DPY19L3: variants seen among roughly 807,000 people sequenced by gnomAD.
DPY19L3 encodes the protein protein C-mannosyl-transferase DPY19L3.
In DPY19L3, 51 loss-of-function variants were observed where a neutral mutation model predicts 92.3. That is an observed-to-expected ratio of 0.55 (90% confidence interval 0.44 to 0.70). The LOEUF (loss-of-function observed/expected upper bound fraction) is 0.70. Ranked by LOEUF, DPY19L3 falls within the 30% of genes least tolerant of loss-of-function variation. The pLI is 0.00. For synonymous variants in DPY19L3, 309 were observed against 315.2 expected (o/e 0.98, Z 0.21); for missense variants, 706 against 855.9 (o/e 0.82, Z 2.18).
chr19:32,467,013 T>G (rs1289978619), intron 15 of DPY19L3, among the ~76,000 whole-genome samples: 1 of 152,206 alleles, frequency 6.6e-6, no homozygotes, highest in African/African-American at 2.4e-5. Flanking sequence ...GTTTCAAAAT[T>G]TCTTGTTCAT....
chr19:32,421,481 A>G (rs930663226), intron 3 of DPY19L3, among the ~76,000 whole-genome samples: 1 of 152,126 alleles, frequency 6.6e-6, no homozygotes. Flanking sequence ...CTCTACTAAA[A>G]ATACAAAAAT....
chr19:32,468,823 T>C lies in DPY19L3; in HGVS notation c.1697+10T>C, dbSNP rs989138190. 4.4e-6 allele frequency: 7 copies of C among 1,605,530 alleles called. No individual in the cohort carries two copies. The highest frequency in any genetic ancestry group is 6.0e-6 in the Non-Finnish European group (7 of 1,176,206). On this transcript the variant is annotated intron_variant, in intron 16 of 18. Transcript: ENST00000392250. ...TGATGAACTGGATTAAGTAAGAGGA[T>C]TTTTTTTAACTTTTAAAATTTTAAG...
chr19:32,446,244 A>G (rs1197910833), intron 8 of DPY19L3, among the ~76,000 whole-genome samples: 1 of 152,190 alleles, frequency 6.6e-6, no homozygotes, highest in Non-Finnish European at 1.5e-5. Context: ...GAAGCAGTAC[A>G]TGAAAAAACA....
intron 12 of DPY19L3, among the ~76,000 whole-genome samples, chr19:32,460,317 G>A (rs574383550): frequency 1.3e-5 from 2 of 152,242 alleles, no homozygotes; most frequent in African/African-American, 2.4e-5. Context: ...AGGCTAAGGC[G>A]GGAGGATCAC....
intron 8 of DPY19L3, among the ~76,000 whole-genome samples, chr19:32,451,255 G>A (rs1441711002): frequency 6.6e-6 from 1 of 152,220 alleles, no homozygotes; most frequent in African/African-American, 2.4e-5. Flanking sequence ...ATGGTAGGAT[G>A]TGAAGGATGT....
At chr19:32,429,139 A>T (rs922687487) in intron 3 of DPY19L3, among the ~76,000 whole-genome samples, 2 of 151,986 alleles carry the variant, frequency 1.3e-5, no homozygotes, top group Admixed American at 6.6e-5. Flanking sequence ...GAGCCACCAC[A>T]CCCGGCCAGC....
In DPY19L3 at chr19:32,408,230, A is replaced by T; in HGVS notation, c.-24A>T. 1.3e-6 allele frequency: 2 copies of T among 1,562,580 alleles called. No individual in the cohort carries two copies. Among genetic ancestry groups the T allele is most frequent in the Non-Finnish European group, 1.8e-6 (2 of 1,137,224 alleles). ...ATTGCTATCTAGGAGTGATTTGGAG[A>T]ACAATGCATGTAAGTCTGACATCAT... is the stretch of plus-strand genomic sequence containing the variant. On this transcript the variant is annotated 5_prime_UTR_variant, in exon 2 of 19. Transcript: ENST00000392250.
chr19:32,432,871 A>T (rs1599616337), intron 4 of DPY19L3, 65 bp downstream of exon 4: 1 of 1,412,794 alleles, frequency 7.1e-7, no homozygotes, highest in Non-Finnish European at 1.0e-6. Context: ...AGTGAGAAGT[A>T]CTGTGCACTA....
chr19:32,469,644 A>T (rs750954252), intron 16 of DPY19L3, among the ~76,000 whole-genome samples: 2 of 152,150 alleles, frequency 1.3e-5, no homozygotes, highest in African/African-American at 4.8e-5. Flanking sequence ...GACCAGAGAA[A>T]ATTTTAGATA....
rs539699844 is a variant in DPY19L3 at position 32,430,554 on chromosome 19, C to G, written c.238-2162C>G. Among the ~76,000 whole-genome samples, 3 of 152,084 alleles carry G rather than the reference C, an allele frequency of 2.0e-5. 1 individual carries two copies. In the South Asian group the frequency reaches 6.2e-4, roughly 32 times the overall value. On this transcript the variant is annotated intron_variant, in intron 3 of 18. Coordinates refer to ENST00000392250, the MANE Select transcript of DPY19L3 (RefSeq NM_001172774.2). ...AATGATAAAAAGATTTAGAGGGTAG[C>G]AGAAATATATTAAATAAATAATTTC...
intron 12 of DPY19L3, among the ~76,000 whole-genome samples, chr19:32,459,974 A>G (rs760564713): frequency 2.6e-5 from 4 of 152,218 alleles, no homozygotes; most frequent in Non-Finnish European, 5.9e-5. Context: ...GGCCTACTAC[A>G]CACCTAGGTT....
At chr19:32,419,593 C>G (rs1968496071) in intron 3 of DPY19L3, among the ~76,000 whole-genome samples, 1 of 151,706 alleles carries the variant, frequency 6.6e-6, no homozygotes, top group South Asian at 2.1e-4. Context: ...CCAAGTGGTG[C>G]CAGCTAATTT....
At chr19:32,442,583 AT>A (rs1170926510) in intron 8 of DPY19L3, among the ~76,000 whole-genome samples, 1 of 152,144 alleles carries the variant, frequency 6.6e-6, no homozygotes, top group Non-Finnish European at 1.5e-5. Flanking sequence ...CAGAGGGAAA[AT>A]TTGACAGCGA....
intron 13 of DPY19L3, 70 bp downstream of exon 13, chr19:32,463,558 G>A (rs1970107259): frequency 1.3e-6 from 2 of 1,514,424 alleles, no homozygotes; most frequent in Non-Finnish European, 9.0e-7. Flanking sequence ...AATATAATTT[G>A]GAAAGTGACA....
intron 3 of DPY19L3, among the ~76,000 whole-genome samples, chr19:32,420,016 C>T (rs1425625983): frequency 2.0e-5 from 3 of 151,874 alleles, no homozygotes; most frequent in Non-Finnish European, 4.4e-5. Flanking sequence ...GGCACCACCA[C>T]GCCCGGCTAA....
At chr19:32,422,457 G>A (rs1048480846) in intron 3 of DPY19L3, among the ~76,000 whole-genome samples, 14 of 152,154 alleles carry the variant, frequency 9.2e-5, no homozygotes, top group Admixed American at 2.0e-4. Flanking sequence ...ACTGGAATCC[G>A]TAGAATGTAC....
chr19:32,413,718 C>A (rs1176850714), intron 3 of DPY19L3, among the ~76,000 whole-genome samples: 2 of 150,462 alleles, frequency 1.3e-5, no homozygotes, highest in East Asian at 3.9e-4. Flanking sequence ...GTTTATATAT[C>A]TTTTTTTGGG....
At chr19:32,427,275 G>A (rs1043728636) in intron 3 of DPY19L3, among the ~76,000 whole-genome samples, 1 of 152,160 alleles carries the variant, frequency 6.6e-6, no homozygotes, top group Non-Finnish European at 1.5e-5. Flanking sequence ...GGTTATAAGC[G>A]TGAGCCACCG....
At chr19:32,410,653 T>C (rs1256515019) in intron 2 of DPY19L3, among the ~76,000 whole-genome samples, 1 of 152,078 alleles carries the variant, frequency 6.6e-6, no homozygotes, top group Non-Finnish European at 1.5e-5. Context: ...CATGGTGGCA[T>C]GTGCCTGTAG....
Sources: allele counts gnomAD v4.1 joint callset (sites outside exome capture counted in the v4.1 genomes callset), GRCh38; gene constraint gnomAD v4.1.1; transcripts MANE v1.5; gene names NCBI Gene and HGNC (gene_info 2026-07-23, HGNC 2026-07-21).